The following SLCO2B1 variants were observed in gnomAD, a reference collection of about 807,000 sequenced individuals.
SLCO2B1 encodes the protein solute carrier organic anion transporter family member 2B1, also known as OATP-RP2.
Under a neutral mutation model 67.3 loss-of-function variants are expected in SLCO2B1, and 41 were observed. The ratio of observed to expected loss-of-function variants is 0.61; its 90% confidence interval spans 0.47 to 0.79. The LOEUF is 0.79. Among genes scored for constraint, SLCO2B1 ranks in the 30% least tolerant of loss-of-function variants. The pLI is 0.00. For missense variants in SLCO2B1, 837 were observed against 920.1 expected (o/e 0.91, Z 1.17); for synonymous variants, 379 against 381.4 (o/e 0.99, Z 0.07).
chr11:75,178,335 C>T (rs1950051967), intron 7 of SLCO2B1, among the ~76,000 whole-genome samples: 1 of 152,152 alleles, frequency 6.6e-6, no homozygotes, highest in Admixed American at 6.5e-5. Flanking sequence ...GTGAGGTGGG[C>T]AGTTCAGTGC....
rs371427807 is a variant in SLCO2B1 at position 75,172,382 on chromosome 11, G to C, written c.785G>C (p.Gly262Ala). ...YVDINQMPEG[G>A]ISLTIKDPRW... The stretch of plus-strand genomic sequence containing the variant: ...TCACCATGCTCTTCTCTTCCAGGTG[G>C]TATCAGCCTGACCATAAAGGACCCC... The change falls in exon 7 of 14, where the codon GGT (glycine) becomes GCT (alanine). Residue 262 changes from glycine (G) to alanine (A), a missense_variant. Gly to Ala is a moderately conservative substitution (Grantham distance 60). Coordinates refer to ENST00000289575, the MANE Select transcript of SLCO2B1 (RefSeq NM_007256.5). 11 of 1,612,988 alleles carry C rather than the reference G, an allele frequency of 6.8e-6. No homozygotes were observed. The highest frequency in any genetic ancestry group is 1.6e-4 in the Middle Eastern group (1 of 6,072).
chr11:75,195,059 AG>A (rs1187211979), intron 9 of SLCO2B1, among the ~76,000 whole-genome samples: 1 of 152,210 alleles, frequency 6.6e-6, no homozygotes, highest in Non-Finnish European at 1.5e-5. Context: ...GAACCCCCAC[AG>A]GATCTCTGTA....
At position 75,172,604 on chromosome 11, in the gene SLCO2B1, G is replaced by A. The variant is rs764753477; in HGVS notation, c.972+35G>A. 2.6e-6 allele frequency: 4 copies of A among 1,566,800 alleles called. No homozygotes were observed. In the South Asian group the frequency reaches 4.5e-5, roughly 18 times the overall value. ...CTCCATGTCACCTGACTGGGTCCAG[G>A]CTCCAGCACCACCCACTTGTTCTCC... is the stretch of plus-strand genomic sequence containing the variant. On this transcript the variant is annotated intron_variant, in intron 7 of 13. Coordinates refer to ENST00000289575, the MANE Select transcript of SLCO2B1 (RefSeq NM_007256.5).
At chr11:75,180,466 G>T (rs1469941380) in intron 7 of SLCO2B1, among the ~76,000 whole-genome samples, 1 of 152,134 alleles carries the variant, frequency 6.6e-6, no homozygotes, top group East Asian at 1.9e-4. Context: ...TACCAACAGG[G>T]TGCAAGTGTG....
intron 8 of SLCO2B1, among the ~76,000 whole-genome samples, chr11:75,191,267 T>C (rs951361174): frequency 3.9e-5 from 6 of 152,146 alleles, no homozygotes; most frequent in Non-Finnish European, 7.4e-5. Context: ...GACTCTACCA[T>C]GCAGTAGGGG....
At chr11:75,201,840 G>C (rs925868466) in intron 11 of SLCO2B1, 5 of 152,134 alleles carry the variant, frequency 3.3e-5, no homozygotes, top group Non-Finnish European at 5.9e-5. Context: ...CATTATGTAG[G>C]CATGATTGAT....
intron 1 of SLCO2B1, chr11:75,152,425 G>A (rs538946469): frequency 6.6e-6 from 1 of 152,576 alleles, no homozygotes; most frequent in South Asian, 2.1e-4. Flanking sequence ...GACTCCAGGA[G>A]AACGCAGCCA....
intron 9 of SLCO2B1, among the ~76,000 whole-genome samples, chr11:75,194,142 G>A (rs987838471): frequency 2.6e-5 from 4 of 152,168 alleles, no homozygotes; most frequent in Non-Finnish European, 5.9e-5. Context: ...GATATTCCAC[G>A]ACTCTAAAAT....
At position 75,172,460 on chromosome 11, in the gene SLCO2B1, C is replaced by T. The variant is rs1440614236; in HGVS notation, c.863C>T (p.Ala288Val). The change falls in exon 7 of 14, where the codon GCC becomes GTC. Residue 288 changes from alanine (A) to valine (V), a missense_variant. Physicochemically the swap from Ala to Val is moderately conservative, Grantham distance 64. Coordinates refer to ENST00000289575, the MANE Select transcript of SLCO2B1 (RefSeq NM_007256.5). ...LGFLIAAGAV[A>V]LAAIPYFFFP... The stretch of plus-strand genomic sequence containing the variant: ...TTCCTCATCGCTGCCGGTGCAGTGG[C>T]CCTGGCTGCCATCCCCTACTTCTTC... 6.2e-7 allele frequency: 1 copy of T among 1,614,196 alleles called. No individual in the cohort carries two copies. The highest frequency in any genetic ancestry group is 8.5e-7 in the Non-Finnish European group (1 of 1,180,016).
rs1423565942 is a variant in SLCO2B1 at position 75,202,932 on chromosome 11, G to A, written c.1795G>A (p.Val599Met). The A allele has an allele frequency of 1.2e-6, 2 of 1,613,984 alleles. No homozygotes were observed. The highest frequency in any genetic ancestry group is 1.1e-5 in the South Asian group (1 of 91,068). ...GVKKEDKTLA[V>M]GIQFMFLRIL... The stretch of plus-strand genomic sequence containing the variant: ...GAAGAAAGAAGACAAGACTTTGGCT[G>A]TGGGCATCCAGTTCATGTTCCTGAG... The change falls in exon 12 of 14, where the codon GTG becomes ATG. Residue 599 changes from valine to methionine, a missense_variant. Coordinates refer to ENST00000289575, the MANE Select transcript of SLCO2B1 (RefSeq NM_007256.5).
chr11:75,199,916 G>T (rs1164301694), intron 10 of SLCO2B1: 5 of 383,064 alleles, frequency 1.3e-5, no homozygotes. Flanking sequence ...TCTTACAGTT[G>T]GTGTGTAGAA....
intron 1 of SLCO2B1, chr11:75,159,933 AGAGGCCAGGGG>A (rs1302978355): frequency 9.0e-6 from 8 of 892,890 alleles, no homozygotes; most frequent in Non-Finnish European, 9.4e-6. Context: ...TGGGCAGGTG[AGAGGCCAGGGG>A]GCTGGAACTG....
At chr11:75,177,870 C>A (rs1288265148) in intron 7 of SLCO2B1, among the ~76,000 whole-genome samples, 1 of 151,998 alleles carries the variant, frequency 6.6e-6, no homozygotes, top group East Asian at 1.9e-4. Flanking sequence ...CTGAGGCGGG[C>A]ACATCACTTG....
At chr11:75,159,729 A>C in intron 1 of SLCO2B1, 1 of 444,340 alleles carries the variant, frequency 2.3e-6, no homozygotes, top group Non-Finnish European at 3.0e-6. Context: ...GAATGTGGCC[A>C]GTGCTTCCCT....
At chr11:75,160,315 C>G (rs1018125243) in intron 1 of SLCO2B1, among the ~76,000 whole-genome samples, 2 of 152,226 alleles carry the variant, frequency 1.3e-5, no homozygotes, top group Admixed American at 6.5e-5. Context: ...GAGTTTAACA[C>G]TTACCTGGGC....
At chr11:75,192,915 A>G (rs888165575) in intron 8 of SLCO2B1, among the ~76,000 whole-genome samples, 3 of 152,098 alleles carry the variant, frequency 2.0e-5, no homozygotes, top group African/African-American at 7.2e-5. Context: ...ATGGTGGTGC[A>G]CACCTGTAGT....
rs986613731 is a variant in SLCO2B1, at chr11:75,173,712, T to G, written c.972+1143T>G. 2.0e-4 allele frequency among the ~76,000 whole-genome samples: 30 copies of G among 152,074 alleles called. 2 individuals carry two copies. The highest frequency in any genetic ancestry group is 2.9e-5 in the Non-Finnish European group (2 of 68,014). ...GGATAGCCATTCTGGGCCAGGGACT[T>G]CCAAGTTTTTCAGATACCCACAAAA... On this transcript the variant is annotated intron_variant, in intron 7 of 13. Transcript: ENST00000289575.
Position 75,203,401 on chromosome 11 carries a change from C to G in SLCO2B1, c.1923C>G (p.Tyr641Ter). The change falls in exon 13 of 14, where the codon TAC (tyrosine) becomes TAG (stop). Residue 641 changes from tyrosine (Y) to a stop codon, truncating the protein, a stop_gained. Transcript: ENST00000289575. LOFTEE classifies it low-confidence loss of function (END_TRUNC). ...LSCGRRAVCR[Y>*]YNNDLLRNRF... ...GTGGGCGTCGAGCTGTCTGTCGCTACTACAATAATGACCTGCTCCGAAACC... is the reference window on the plus strand; with the variant it reads ...GTGGGCGTCGAGCTGTCTGTCGCTAGTACAATAATGACCTGCTCCGAAACC... 1 of 1,614,210 alleles carries G rather than the reference C, an allele frequency of 6.2e-7. No individual in the cohort carries two copies.
chr11:75,161,857 C>T (rs1441424186), intron 1 of SLCO2B1, among the ~76,000 whole-genome samples: 10 of 152,038 alleles, frequency 6.6e-5, no homozygotes, highest in Admixed American at 6.6e-4. Flanking sequence ...TGAAGGGGCT[C>T]AGCTTTCCTC....
Sources: allele counts gnomAD v4.1 joint callset (sites outside exome capture counted in the v4.1 genomes callset), GRCh38; gene constraint gnomAD v4.1.1; transcripts MANE v1.5; gene names NCBI Gene and HGNC (gene_info 2026-07-23, HGNC 2026-07-21).